AUTS2: variants seen among roughly 807,000 people sequenced by gnomAD.
AUTS2 encodes activator of transcription and developmental regulator AUTS2, also known as autism susceptibility gene 2 protein.
AUTS2 carries 17 observed loss-of-function variants against 112.4 expected under a neutral mutation model. The ratio of observed to expected loss-of-function variants is 0.15; its 90% CI spans 0.10 to 0.23. The LOEUF is 0.23. Ranked by LOEUF, AUTS2 falls within the 10% of genes least tolerant of loss-of-function variation. AUTS2 has a pLI of 1.00. For missense variants in AUTS2, 1,510 were observed against 1,701.6 expected, an observed-to-expected ratio of 0.89 and a Z score of 1.98; for synonymous variants, 751 against 702.7, an observed-to-expected ratio of 1.07 and a Z score of -1.09.
At chr7:70,627,616 C>T (rs1157979301) in intron 5 of AUTS2, among the ~76,000 whole-genome samples, 3 of 152,214 alleles carry the variant, frequency 2.0e-5, no homozygotes, top group African/African-American at 4.8e-5. Context: ...TAACTGCCCT[C>T]GTTCAGATGG....
At chr7:70,195,566 G>T (rs1361023215) in intron 4 of AUTS2, among the ~76,000 whole-genome samples, 1 of 152,116 alleles carries the variant, frequency 6.6e-6, no homozygotes, top group African/African-American at 2.4e-5. Context: ...CACAAAAATC[G>T]CTTGAACTTG....
At chr7:69,668,960 T>C (rs1796195041) in intron 1 of AUTS2, among the ~76,000 whole-genome samples, 1 of 152,088 alleles carries the variant, frequency 6.6e-6, no homozygotes, top group Non-Finnish European at 1.5e-5. Flanking sequence ...AGGTTAGTGA[T>C]GTGGTTGGGG....
intron 4 of AUTS2, among the ~76,000 whole-genome samples, chr7:70,278,725 G>A (rs1204513438): frequency 6.6e-6 from 1 of 152,186 alleles, no homozygotes; most frequent in African/African-American, 2.4e-5. Flanking sequence ...TTAAAGGTAA[G>A]ATTGTCATTA....
At chr7:69,771,142 C>T (rs1201427587) in intron 1 of AUTS2, among the ~76,000 whole-genome samples, 1 of 152,196 alleles carries the variant, frequency 6.6e-6, no homozygotes, top group Non-Finnish European at 1.5e-5. Context: ...ATGGCTTCTG[C>T]ACATTACTGT....
chr7:70,506,318 G>C (rs937376165), intron 5 of AUTS2, among the ~76,000 whole-genome samples: 2 of 152,234 alleles, frequency 1.3e-5, no homozygotes, highest in Non-Finnish European at 2.9e-5. Context: ...GACGTCTCTA[G>C]GTAGATGCCC....
At chr7:70,404,899 G>T (rs1398663742) in intron 4 of AUTS2, among the ~76,000 whole-genome samples, 2 of 152,040 alleles carry the variant, frequency 1.3e-5, no homozygotes, top group African/African-American at 4.8e-5. Flanking sequence ...GAATGGGAGG[G>T]CATTGGCATC....
At chr7:70,073,603 T>G (rs1319064916) in intron 2 of AUTS2, among the ~76,000 whole-genome samples, 1 of 152,094 alleles carries the variant, frequency 6.6e-6, no homozygotes, top group Non-Finnish European at 1.5e-5. Flanking sequence ...AGATGAGTTA[T>G]GTATTATTGG....
At chr7:70,226,984 G>A (rs1457714738) in intron 4 of AUTS2, among the ~76,000 whole-genome samples, 2 of 152,116 alleles carry the variant, frequency 1.3e-5, no homozygotes, top group African/African-American at 2.4e-5. Flanking sequence ...ACAGCTAAAA[G>A]GGGTTGGGGT....
In AUTS2 at chr7:69,760,197, C is replaced by CTTT. The variant is rs375758180; in HGVS notation, c.310-139074_310-139072dup. On this transcript the variant is annotated intron_variant, in intron 1 of 18. Coordinates refer to ENST00000342771, the MANE Select transcript of AUTS2 (RefSeq NM_015570.4). ...ATTAAAAAAAAAAAGTTCTTTTTTT[C>CTTT]TTTTTTTTTTTTTTTTTAAATAGAG... 5.8e-3 allele frequency among the ~76,000 whole-genome samples: 701 copies of CTTT among 121,044 alleles called. 5 individuals carry two copies. The highest frequency in any genetic ancestry group is 0.02 in the African/African-American group (663 of 33,224). The allele number at this position is 121,044 out of a possible 152,430, so 79.4% of individuals were successfully genotyped here.
chr7:70,609,416 A>T (rs1256765297), intron 5 of AUTS2, among the ~76,000 whole-genome samples: 1 of 127,396 alleles, frequency 7.8e-6, no homozygotes, highest in African/African-American at 3.1e-5. Context: ...TTTTTCCGAG[A>T]CAGAGTCTCA....
intron 1 of AUTS2, among the ~76,000 whole-genome samples, chr7:69,720,429 T>C (rs983131536): frequency 1.3e-5 from 2 of 152,200 alleles, no homozygotes; most frequent in Admixed American, 6.5e-5. Flanking sequence ...CCTGACCTAA[T>C]GATGTGTTCT....
rs564970132 is a variant in AUTS2 at position 70,616,086 on chromosome 7, C to CA, written c.691-82478dup. ...AGCAGAGATAAAGGAGGGATTTCTC[C>CA]AAAAAGACAACAAAAAAGGTGCAAA... On this transcript the variant is annotated intron_variant, in intron 5 of 18. Coordinates refer to ENST00000342771, the MANE Select transcript of AUTS2 (RefSeq NM_015570.4). Among the ~76,000 whole-genome samples, 6 of 152,230 alleles carry CA rather than the reference C, an allele frequency of 3.9e-5. No homozygotes were observed. In the South Asian group the frequency reaches 1.2e-3, roughly 32 times the overall value.
chr7:69,876,410 A>G (rs1180228347), intron 1 of AUTS2, among the ~76,000 whole-genome samples: 1 of 123,780 alleles, frequency 8.1e-6, no homozygotes, highest in Non-Finnish European at 1.7e-5. Flanking sequence ...TTATATATAC[A>G]TAATGTATTT....
At chr7:69,879,102 A>G (rs1407193775) in intron 1 of AUTS2, among the ~76,000 whole-genome samples, 4 of 145,632 alleles carry the variant, frequency 2.7e-5, no homozygotes, top group African/African-American at 7.7e-5. Context: ...ACCCTCAGTT[A>G]TAGATATTTG....
At chr7:70,492,821 A>G (rs948710167) in intron 5 of AUTS2, among the ~76,000 whole-genome samples, 7 of 152,194 alleles carry the variant, frequency 4.6e-5, no homozygotes, top group Non-Finnish European at 8.8e-5. Flanking sequence ...GCTGTTTTGA[A>G]ACTGTGCCAG....
Position 70,604,481 on chromosome 7 carries a change from A to G in AUTS2, c.691-94088A>G, listed in dbSNP as rs760168932. Among the ~76,000 whole-genome samples the G allele has an allele frequency of 2.5e-4, 38 of 152,358 alleles. 1 individual carries two copies. The highest frequency in any genetic ancestry group is 2.2e-4 in the Non-Finnish European group (15 of 68,040). ...GCCAGATTTGCGTTCAGCATGCCCA[A>G]TGATCAACATGCTGTTGAAAATGGA... On this transcript the variant is annotated intron_variant, in intron 5 of 18. Transcript: ENST00000342771.
chr7:70,071,491 C>T (rs958519191), intron 2 of AUTS2, among the ~76,000 whole-genome samples: 2 of 152,184 alleles, frequency 1.3e-5, no homozygotes, highest in Admixed American at 1.3e-4. Context: ...CTCTCCTCTC[C>T]CACAGATGGC....
At chr7:69,786,355 CA>C (rs1789375819) in intron 1 of AUTS2, among the ~76,000 whole-genome samples, 1 of 152,168 alleles carries the variant, frequency 6.6e-6, no homozygotes, top group Non-Finnish European at 1.5e-5. Flanking sequence ...ACGCACCAGT[CA>C]GCGCTCTGTG....
At chr7:70,305,009 G>C (rs1789427799) in intron 4 of AUTS2, among the ~76,000 whole-genome samples, 3 of 152,076 alleles carry the variant, frequency 2.0e-5, no homozygotes, top group Admixed American at 2.0e-4. Context: ...AAGCATTCCA[G>C]TCTTTTATCT....
Sources: gnomAD v4.1 joint callset for allele counts (sites outside exome capture counted in the v4.1 genomes callset) on GRCh38, gnomAD v4.1.1 for gene constraint, MANE v1.5 for transcripts, NCBI Gene and HGNC (gene_info 2026-07-23, HGNC 2026-07-21) for gene names.